Variants in RBPJ observed in about 807,000 individuals in gnomAD.
RBPJ encodes the protein recombining binding protein suppressor of hairless.
RBPJ carries 9 observed loss-of-function variants against 67.8 expected under a neutral mutation model. That is an observed-to-expected ratio of 0.13 (90% CI 0.08 to 0.23). The LOEUF (loss-of-function observed/expected upper bound fraction) is 0.23. Among genes scored for constraint, RBPJ ranks in the 10% least tolerant of loss-of-function variants. The pLI is 1.00. For synonymous variants in RBPJ, 198 were observed against 203.3 expected, an observed-to-expected ratio of 0.97 and a Z score of 0.22; for missense variants, 305 against 595.6, an observed-to-expected ratio of 0.51 and a Z score of 5.08.
chr4:26,178,306 C>T (rs1004386629), intron 1 of RBPJ, among the ~76,000 whole-genome samples: 1 of 152,154 alleles, frequency 6.6e-6, no homozygotes, highest in Non-Finnish European at 1.5e-5. Context: ...ACTCCATGGC[C>T]CCTTATCAAA....
At chr4:26,245,179 C>G (rs562735764) in intron 1 of RBPJ, among the ~76,000 whole-genome samples, 1 of 150,302 alleles carries the variant, frequency 6.7e-6, no homozygotes, top group African/African-American at 2.4e-5. Flanking sequence ...TTTCTTCTCT[C>G]CAGTCCCTGG....
In RBPJ at chr4:26,389,842, A is replaced by G. The variant is rs75051093; in HGVS notation, c.59+3451A>G. On this transcript the variant is annotated intron_variant, in intron 2 of 10. Transcript: ENST00000355476. ...CAAAACTGCAGGCCCAGATGGCTTC[A>G]CTGTTGAATTCTACTGTATATTTAA... Among the ~76,000 whole-genome samples the G allele has an allele frequency of 1.7e-3, 263 of 152,208 alleles. 1 individual carries two copies. Among genetic ancestry groups the G allele is most frequent in the African/African-American group, 5.7e-3 (238 of 41,524 alleles).
At chr4:26,146,398 C>G in the RBPJ span, among the ~76,000 whole-genome samples, 1 of 152,146 alleles carries the variant, frequency 6.6e-6, no homozygotes, top group Non-Finnish European at 1.5e-5. Context: ...TAACTCAAAT[C>G]GGATCATAGA....
chr4:26,431,589 T>G lies in RBPJ; in HGVS notation c.*582T>G, dbSNP rs74654941. ...CATACTCTTCCAGGTTTTTTTTTTT[T>G]GGTCTAAGGCTGGAACTTTTTTCTT... On this transcript the variant is annotated 3_prime_UTR_variant, in exon 11 of 11. Coordinates refer to ENST00000355476, the MANE Select transcript of RBPJ (RefSeq NM_015874.6). 6.6e-6 allele frequency: 1 copy of G among 152,284 alleles called. No individual in the cohort carries two copies. Among genetic ancestry groups the G allele is most frequent in the Non-Finnish European group, 1.5e-5 (1 of 68,018 alleles). The allele number at this position is 152,284 out of a possible 1,614,324, so 9.4% of individuals were successfully genotyped here.
chr4:26,310,141 ATATT>A (rs1449623033), intron 1 of RBPJ, among the ~76,000 whole-genome samples: 1 of 152,220 alleles, frequency 6.6e-6, no homozygotes, highest in Non-Finnish European at 1.5e-5. Context: ...AAAACGGTGA[ATATT>A]TATTTTTGTT....
the RBPJ span, among the ~76,000 whole-genome samples, chr4:26,152,458 A>C: frequency 6.6e-6 from 1 of 152,198 alleles, no homozygotes; most frequent in Non-Finnish European, 1.5e-5. Context: ...GTGATGGGAA[A>C]ACTTGCATGA....
At position 26,431,021 on chromosome 4, in the gene RBPJ, G is replaced by A. The variant is rs1736166002; in HGVS notation, c.*14G>A. 6.2e-7 allele frequency: 1 copy of A among 1,607,700 alleles called. No homozygotes were observed. Among genetic ancestry groups the A allele is most frequent in the Admixed American group, 1.7e-5 (1 of 59,902 alleles). On this transcript the variant is annotated 3_prime_UTR_variant, in exon 11 of 11. Transcript: ENST00000355476. ...GTGGTATCCTAACTACCGTCTTTTT[G>A]CTAGGACTTAAACTGACTTGAGTGT...
intron 1 of RBPJ, among the ~76,000 whole-genome samples, chr4:26,340,100 G>C (rs1725354818): frequency 6.6e-6 from 1 of 152,124 alleles, no homozygotes; most frequent in Non-Finnish European, 1.5e-5. Flanking sequence ...TATGCTAGTA[G>C]TAAAGACAAA....
chr4:26,397,680 C>A (rs552940801), intron 2 of RBPJ, among the ~76,000 whole-genome samples: 1 of 152,296 alleles, frequency 6.6e-6, no homozygotes, highest in Admixed American at 6.5e-5. Flanking sequence ...GTTGCCCAGG[C>A]TGGAGTGCAG....
At chr4:26,271,858 C>T (rs1250782970) in intron 1 of RBPJ, among the ~76,000 whole-genome samples, 1 of 152,192 alleles carries the variant, frequency 6.6e-6, no homozygotes, top group Admixed American at 6.5e-5. Flanking sequence ...CTGCCACACA[C>T]ACACGTGCAT....
intron 1 of RBPJ, among the ~76,000 whole-genome samples, chr4:26,380,408 A>G (rs541525960): frequency 1.3e-5 from 2 of 152,286 alleles, no homozygotes; most frequent in South Asian, 4.1e-4. Flanking sequence ...GGTGCTTAAT[A>G]CTATTTGGTG....
intron 4 of RBPJ, among the ~76,000 whole-genome samples, chr4:26,418,849 T>TG (rs1239001964): frequency 2.0e-5 from 3 of 152,226 alleles, no homozygotes; most frequent in Non-Finnish European, 4.4e-5. Flanking sequence ...TGACCTTCAA[T>TG]GCTGTCTGTC....
At chr4:26,363,435 G>A (rs1728285060) in intron 1 of RBPJ, among the ~76,000 whole-genome samples, 2 of 151,512 alleles carry the variant, frequency 1.3e-5, no homozygotes, top group Non-Finnish European at 2.9e-5. Context: ...ACTGTGCCCA[G>A]CCTATTATTT....
intron 1 of RBPJ, among the ~76,000 whole-genome samples, chr4:26,196,258 A>G (rs568471490): frequency 3.0e-4 from 46 of 152,350 alleles, no homozygotes; most frequent in African/African-American, 1.1e-3. Flanking sequence ...AGAAAAAGGA[A>G]TGAAGTATTG....
At chr4:26,370,679 CTATAGTGTTGTATCTT>C (rs1729067247) in intron 1 of RBPJ, among the ~76,000 whole-genome samples, 1 of 152,116 alleles carries the variant, frequency 6.6e-6, no homozygotes, top group Non-Finnish European at 1.5e-5. Context: ...TAACAGTAAG[CTATAGTGTTGTATCTT>C]TGTAGGGCAT....
intron 1 of RBPJ, among the ~76,000 whole-genome samples, chr4:26,383,338 A>C (rs1388257568): frequency 6.6e-6 from 1 of 152,228 alleles, no homozygotes; most frequent in African/African-American, 2.4e-5. Flanking sequence ...GAGTGCGATG[A>C]ATCTCTTACT....
chr4:26,246,716 A>G (rs967789782), intron 1 of RBPJ, among the ~76,000 whole-genome samples: 2 of 152,188 alleles, frequency 1.3e-5, no homozygotes, highest in Non-Finnish European at 2.9e-5. Context: ...TAAAAGCAGT[A>G]ACAAATTCTT....
the RBPJ span, among the ~76,000 whole-genome samples, chr4:26,144,164 CA>C: frequency 1.3e-5 from 2 of 150,620 alleles, no homozygotes. Flanking sequence ...TAGGTATAAA[CA>C]AGTTGCAAAA....
intron 1 of RBPJ, among the ~76,000 whole-genome samples, chr4:26,235,573 C>A (rs1316886691): frequency 6.6e-6 from 1 of 152,226 alleles, no homozygotes; most frequent in Non-Finnish European, 1.5e-5. Flanking sequence ...TTAGGAATGA[C>A]TGGCCTTAGG....
Sources: allele counts gnomAD v4.1 joint callset (sites outside exome capture counted in the v4.1 genomes callset), GRCh38; gene constraint gnomAD v4.1.1; transcripts MANE v1.5; gene names NCBI Gene and HGNC (gene_info 2026-07-23, HGNC 2026-07-21).